FBXL17: variants seen among roughly 807,000 people sequenced by gnomAD.
FBXL17 encodes F-box and leucine rich repeat protein 17, also known as F-box/LRR-repeat protein 17.
FBXL17 carries 22 observed loss-of-function variants against 66.2 expected under a neutral mutation model. The observed-to-expected ratio is 0.33, with a 90% CI of 0.24 to 0.47. The LOEUF (loss-of-function observed/expected upper bound fraction) is 0.47, where lower values mean the gene tolerates loss of function less well. FBXL17 is among the 20% of genes least tolerant of loss of function. The pLI is 1.00. For missense variants in FBXL17, 878 were observed against 948.2 expected, an observed-to-expected ratio of 0.93 and a Z score of 0.97; for synonymous variants, 474 against 400.5, an observed-to-expected ratio of 1.18 and a Z score of -2.19.
At chr5:108,217,361 C>A (rs532051843) in intron 5 of FBXL17, among the ~76,000 whole-genome samples, 1 of 152,114 alleles carries the variant, frequency 6.6e-6, no homozygotes, top group African/African-American at 2.4e-5. Context: ...TATATTGAAA[C>A]AATATATACC....
At chr5:108,280,862 A>G (rs1250639305) in intron 4 of FBXL17, among the ~76,000 whole-genome samples, 2 of 151,964 alleles carry the variant, frequency 1.3e-5, no homozygotes, top group Non-Finnish European at 2.9e-5. Context: ...AGCAAGCAGT[A>G]GTAGCTATAC....
chr5:108,185,313 G>A (rs1044571696), intron 6 of FBXL17, among the ~76,000 whole-genome samples: 2 of 152,080 alleles, frequency 1.3e-5, no homozygotes, highest in Non-Finnish European at 2.9e-5. Context: ...TGGATCATGG[G>A]GGCAGATTTA....
intron 6 of FBXL17, among the ~76,000 whole-genome samples, chr5:108,088,700 C>CAAAAAAAAAAAAAAAAAAAAAAA (rs57707936): frequency 4.1e-5 from 2 of 49,346 alleles, no homozygotes; most frequent in African/African-American, 1.7e-4. Flanking sequence ...GACTCTATCT[C>CAAAAAAAAAAAAAAAAAAAAAAA]AAAAAAAAAA....
chr5:107,905,335 T>C (rs1318581599), intron 7 of FBXL17, among the ~76,000 whole-genome samples: 3 of 152,178 alleles, frequency 2.0e-5, no homozygotes, highest in Non-Finnish European at 2.9e-5. Context: ...AAATATCTGA[T>C]GTATTTCTAA....
chr5:107,890,786 C>T (rs537434796), intron 7 of FBXL17, among the ~76,000 whole-genome samples: 1 of 151,856 alleles, frequency 6.6e-6, no homozygotes, highest in Non-Finnish European at 1.5e-5. Flanking sequence ...GACCAATAAA[C>T]ATTGTAAAAG....
At chr5:108,099,768 C>T (rs1353227910) in intron 6 of FBXL17, among the ~76,000 whole-genome samples, 1 of 152,206 alleles carries the variant, frequency 6.6e-6, no homozygotes, top group African/African-American at 2.4e-5. Flanking sequence ...AGTGCCTTTA[C>T]CTCAAAATAG....
chr5:108,114,123 T>C (rs1750147052), intron 6 of FBXL17, among the ~76,000 whole-genome samples: 1 of 152,176 alleles, frequency 6.6e-6, no homozygotes, highest in Non-Finnish European at 1.5e-5. Flanking sequence ...ATGAAGCTAA[T>C]CTTCATTATC....
intron 6 of FBXL17, among the ~76,000 whole-genome samples, chr5:108,108,780 G>GTTTTTTTTTTTTT (rs201883285): frequency 1.6e-5 from 2 of 122,154 alleles, no homozygotes; most frequent in African/African-American, 3.0e-5. Flanking sequence ...CTCACACTTT[G>GTTTTTTTTTTTTT]TTTTTGTTTT....
chr5:108,088,526 C>G (rs976374538), intron 6 of FBXL17, among the ~76,000 whole-genome samples: 1 of 151,572 alleles, frequency 6.6e-6, no homozygotes, highest in African/African-American at 2.4e-5. Flanking sequence ...ACAGTAAAAC[C>G]CCATCTCTAC....
chr5:107,970,622 C>T lies in FBXL17; in HGVS notation c.1822+50303G>A, dbSNP rs10477883. Among the ~76,000 whole-genome samples, 1,510 of 152,296 alleles carry T rather than the reference C, an allele frequency of 9.9e-3. 20 individuals carry two copies. The highest frequency in any genetic ancestry group is 0.035 in the African/African-American group (1,435 of 41,558). ...ACTTTGCTCCTGCATGCATGGCTCT[C>T]TCTGCGTGCCTGGTAGTAGAGGCTG... is the stretch of plus-strand genomic sequence containing the variant. On this transcript the variant is annotated intron_variant, in intron 7 of 8. Coordinates refer to ENST00000542267, the MANE Select transcript of FBXL17 (RefSeq NM_001163315.3).
In FBXL17 at chr5:108,381,625, A is replaced by C; in HGVS notation, c.67T>G (p.Trp23Gly). 6.7e-7 allele frequency: 1 copy of C among 1,493,140 alleles called. No individual in the cohort carries two copies. The highest frequency in any genetic ancestry group is 1.2e-5 in the South Asian group (1 of 80,304). 92.5% of individuals were successfully genotyped at this position (1,493,140 alleles called of 1,614,324 possible). ...PSQKRPRCCS[W>G]CRRRRPLLRL... Reference sequence around the variant, plus strand: ...AGGAGAGGGCGCCGGCGGCGGCACCAACTGCAACAGCGAGGCCTCTTCTGG... The same window carrying C: ...AGGAGAGGGCGCCGGCGGCGGCACCCACTGCAACAGCGAGGCCTCTTCTGG... The change falls in exon 1 of 9, where the codon TGG becomes GGG. Residue 23 changes from tryptophan to glycine, a missense_variant. Trp to Gly is a radical substitution (Grantham distance 184). This residue lies in a region of FBXL17 where 605 missense variants were observed against 509.5 expected (regional missense o/e 1.19). Coordinates refer to ENST00000542267, the MANE Select transcript of FBXL17 (RefSeq NM_001163315.3).
intron 4 of FBXL17, among the ~76,000 whole-genome samples, chr5:108,247,709 A>T (rs1756166958): frequency 6.6e-6 from 1 of 152,166 alleles, no homozygotes; most frequent in Non-Finnish European, 1.5e-5. Context: ...TACTCATAGC[A>T]TTTAAATTCT....
At chr5:108,055,971 C>CA (rs1369153655) in intron 6 of FBXL17, among the ~76,000 whole-genome samples, 8 of 152,160 alleles carry the variant, frequency 5.3e-5, no homozygotes, top group African/African-American at 1.9e-4. Flanking sequence ...CTAAGACCTA[C>CA]ATGGAATCAC....
Position 108,052,344 on chromosome 5 carries a change from C to A in FBXL17, c.1746-31343G>T, listed in dbSNP as rs149143609. ...GCCCCAAAACTCCTTAAGCCACAAGCAGCTTCAGCAAAGTCTCAGGATACA... is the reference window on the plus strand; with the variant it reads ...GCCCCAAAACTCCTTAAGCCACAAGAAGCTTCAGCAAAGTCTCAGGATACA... On this transcript the variant is annotated intron_variant, in intron 6 of 8. Coordinates refer to ENST00000542267, the MANE Select transcript of FBXL17 (RefSeq NM_001163315.3). 2.0e-4 allele frequency among the ~76,000 whole-genome samples: 31 copies of A among 152,278 alleles called. No homozygotes were observed. In the East Asian group the frequency reaches 5.8e-3, roughly 28 times the overall value.
At chr5:108,052,107 C>T (rs536723948) in intron 6 of FBXL17, among the ~76,000 whole-genome samples, 1,284 of 90,272 alleles carry the variant, frequency 0.014, 10 homozygotes, top group Middle Eastern at 0.062. Context: ...AGTGAGACTT[C>T]GTCTCAAAAA....
chr5:108,271,990 C>CTA (rs1266699093), intron 4 of FBXL17, among the ~76,000 whole-genome samples: 1 of 152,092 alleles, frequency 6.6e-6, no homozygotes, highest in African/African-American at 2.4e-5. Flanking sequence ...CAATGTGTGG[C>CTA]ACATAAAAAG....
chr5:108,140,335 G>A (rs1363700594), intron 6 of FBXL17, among the ~76,000 whole-genome samples: 1 of 152,140 alleles, frequency 6.6e-6, no homozygotes, highest in Non-Finnish European at 1.5e-5. Context: ...GTGAGCCACT[G>A]CGCCTGGCAA....
chr5:107,966,017 A>G (rs1752125037), intron 7 of FBXL17, among the ~76,000 whole-genome samples: 2 of 152,196 alleles, frequency 1.3e-5, no homozygotes, highest in African/African-American at 4.8e-5. Flanking sequence ...ATGGGCTCTT[A>G]GAAATTTTCC....
chr5:107,927,012 A>G (rs891601481), intron 7 of FBXL17, among the ~76,000 whole-genome samples: 1 of 152,126 alleles, frequency 6.6e-6, no homozygotes, highest in African/African-American at 2.4e-5. Context: ...AAATTGCATA[A>G]GTGAATGAGC....
Sources: allele counts gnomAD v4.1 joint callset (sites outside exome capture counted in the v4.1 genomes callset), GRCh38; gene constraint gnomAD v4.1.1; regional missense constraint gnomAD v4.1.1; transcripts MANE v1.5; gene names NCBI Gene and HGNC (gene_info 2026-07-23, HGNC 2026-07-21).